The following WWOX variants were observed in gnomAD, a reference collection of about 807,000 sequenced individuals.
WWOX encodes the protein WW domain-containing oxidoreductase.
A neutral mutation model predicts 46.2 loss-of-function variants in WWOX; 69 were observed. The ratio of observed to expected loss-of-function variants is 1.49; its 90% confidence interval spans 1.23 to 1.82. The LOEUF (loss-of-function observed/expected upper bound fraction) is 1.82. Among genes scored for constraint, WWOX ranks in the 40% most tolerant of loss-of-function variants. The pLI, the probability that WWOX is intolerant of heterozygous loss-of-function variation, is 0.00. For synonymous variants in WWOX, 359 were observed against 202.6 expected (o/e 1.77, Z -6.56); for missense variants, 919 against 542.6 (o/e 1.69, Z -6.89).
intron 8 of WWOX, among the ~76,000 whole-genome samples, chr16:79,073,021 C>A (rs2048580576): frequency 6.6e-6 from 1 of 152,000 alleles, no homozygotes; most frequent in African/African-American, 2.4e-5. Context: ...ATCAGCACAC[C>A]CATATCTAGA....
intron 8 of WWOX, among the ~76,000 whole-genome samples, chr16:78,753,850 ATATATGTAT>A (rs2049562564): frequency 1.5e-4 from 13 of 87,326 alleles, no homozygotes; most frequent in African/African-American, 5.8e-4. Flanking sequence ...ATATATATAT[ATATATGTAT>A]ATGTATATGT....
chr16:79,020,227 A>G (rs1044333912), intron 8 of WWOX, among the ~76,000 whole-genome samples: 6 of 152,234 alleles, frequency 3.9e-5, no homozygotes, highest in East Asian at 1.9e-4. Flanking sequence ...ATTGAGAGAC[A>G]TAAGGATGCT....
At chr16:78,759,066 T>A (rs1004527426) in intron 8 of WWOX, among the ~76,000 whole-genome samples, 9 of 152,100 alleles carry the variant, frequency 5.9e-5, no homozygotes, top group African/African-American at 2.2e-4. Context: ...GTCAATATAT[T>A]CCCACTTTTG....
chr16:78,246,473 A>T (rs1250246564), intron 5 of WWOX, among the ~76,000 whole-genome samples: 1 of 152,214 alleles, frequency 6.6e-6, no homozygotes, highest in Non-Finnish European at 1.5e-5. Flanking sequence ...TCCCCTCATA[A>T]AACAGTTAAC....
chr16:78,527,189 C>A (rs1053135334), intron 8 of WWOX, among the ~76,000 whole-genome samples: 4 of 151,958 alleles, frequency 2.6e-5, no homozygotes, highest in South Asian at 4.2e-4. Flanking sequence ...TAGGAATGAA[C>A]AGATGAACAA....
At chr16:78,787,989 G>C (rs895416611) in intron 8 of WWOX, among the ~76,000 whole-genome samples, 1 of 152,054 alleles carries the variant, frequency 6.6e-6, no homozygotes, top group Non-Finnish European at 1.5e-5. Context: ...TTTTAACTGG[G>C]TCATCTGGCT....
chr16:78,321,275 T>A (rs200684116), intron 5 of WWOX, among the ~76,000 whole-genome samples: 3 of 114,078 alleles, frequency 2.6e-5, no homozygotes, highest in Admixed American at 1.8e-4. Flanking sequence ...CTTAGTTTTT[T>A]AAATATATAT....
At chr16:78,745,316 G>C (rs7187342) in intron 8 of WWOX, among the ~76,000 whole-genome samples, 21,497 of 152,088 alleles carry the variant, frequency 0.14, 3,987 homozygotes, top group African/African-American at 0.43. Context: ...CTCCACCTCT[G>C]CCTTCAAAAG....
At chr16:78,867,753 T>G (rs1178168084) in intron 8 of WWOX, among the ~76,000 whole-genome samples, 2 of 152,110 alleles carry the variant, frequency 1.3e-5, no homozygotes, top group African/African-American at 2.4e-5. Flanking sequence ...CTGTGAGCTG[T>G]AAATTGTGGA....
At chr16:78,233,889 G>A (rs1189367369) in intron 5 of WWOX, among the ~76,000 whole-genome samples, 3 of 152,098 alleles carry the variant, frequency 2.0e-5, no homozygotes, top group South Asian at 4.1e-4. Flanking sequence ...ATGCCAATAT[G>A]TTCTTCTTCT....
intron 8 of WWOX, among the ~76,000 whole-genome samples, chr16:78,742,015 C>A (rs11862854): frequency 6.6e-6 from 1 of 152,172 alleles, no homozygotes; most frequent in African/African-American, 2.4e-5. Flanking sequence ...CTTCCCACCC[C>A]CTACGATGTC....
chr16:78,753,801 C>CAAAAAAA (rs869066028), intron 8 of WWOX, among the ~76,000 whole-genome samples: 1 of 29,138 alleles, frequency 3.4e-5, no homozygotes, highest in African/African-American at 1.4e-4. Context: ...GACCCTATAT[C>CAAAAAAA]AAAAAAAAAA....
At chr16:78,477,333 A>G (rs1177070674) in intron 8 of WWOX, among the ~76,000 whole-genome samples, 2 of 152,318 alleles carry the variant, frequency 1.3e-5, no homozygotes, top group Non-Finnish European at 1.5e-5. Context: ...AAACCTTTGC[A>G]TAAATCCTTT....
intron 8 of WWOX, among the ~76,000 whole-genome samples, chr16:78,659,928 C>T (rs72794733): frequency 0.013 from 1,925 of 152,204 alleles, 20 homozygotes; most frequent in Middle Eastern, 0.044. Context: ...GCTGTCACCA[C>T]CAGAAATTTA....
intron 8 of WWOX, among the ~76,000 whole-genome samples, chr16:79,075,417 C>T (rs111643313): frequency 1.7e-3 from 264 of 152,298 alleles, no homozygotes; most frequent in African/African-American, 5.6e-3. Flanking sequence ...CTGTCTTTTT[C>T]CCCTATACCT....
Position 78,885,762 on chromosome 16 carries a change from T to C in WWOX, c.1057-325846T>C, listed in dbSNP as rs969560030. On this transcript the variant is annotated intron_variant, in intron 8 of 8. Coordinates refer to ENST00000566780, the MANE Select transcript of WWOX (RefSeq NM_016373.4). ...GGAAAGTTTTTTTTTTAACTGATAG[T>C]TTGATTTACCTAATAGAAGGATCGG... 2.6e-5 allele frequency among the ~76,000 whole-genome samples: 4 copies of C among 152,060 alleles called. No individual in the cohort carries two copies. The South Asian group carries it at 6.2e-4, about 24-fold the overall frequency.
At chr16:78,257,137 T>C (rs948862679) in intron 5 of WWOX, among the ~76,000 whole-genome samples, 3 of 151,910 alleles carry the variant, frequency 2.0e-5, no homozygotes, top group Non-Finnish European at 4.4e-5. Context: ...TACTAGATTG[T>C]TTAAAGAAGG....
At chr16:78,442,498 C>A (rs2083467088) in intron 8 of WWOX, among the ~76,000 whole-genome samples, 1 of 152,130 alleles carries the variant, frequency 6.6e-6, no homozygotes, top group Non-Finnish European at 1.5e-5. Context: ...CTCTCTGCTT[C>A]TGTGAGTTTG....
At chr16:78,588,124 G>A (rs1171622177) in intron 8 of WWOX, among the ~76,000 whole-genome samples, 1 of 150,334 alleles carries the variant, frequency 6.7e-6, no homozygotes, top group South Asian at 2.1e-4. Flanking sequence ...TTGCACAGGT[G>A]CAGAGAGGGG....
Sources: allele counts gnomAD v4.1 joint callset (sites outside exome capture counted in the v4.1 genomes callset), GRCh38; gene constraint gnomAD v4.1.1; transcripts MANE v1.5; gene names NCBI Gene and HGNC (gene_info 2026-07-23, HGNC 2026-07-21).